Variants in ENPEP observed in about 807,000 individuals in gnomAD.
ENPEP encodes glutamyl aminopeptidase.
In ENPEP, 103 loss-of-function variants were observed where a neutral mutation model predicts 114.5. The observed-to-expected ratio is 0.90, with a 90% confidence interval of 0.77 to 1.06. The LOEUF (loss-of-function observed/expected upper bound fraction) is 1.06. Among genes scored for constraint, ENPEP ranks in the 50% least tolerant of loss-of-function variants. The pLI is 0.00. For synonymous variants in ENPEP, 420 were observed against 422.0 expected (o/e 1.00, Z 0.06); for missense variants, 1,196 against 1,161.3 (o/e 1.03, Z -0.43).
At chr4:110,561,119 G>T (rs1727661539) in intron 19 of ENPEP, among the ~76,000 whole-genome samples, 1 of 152,126 alleles carries the variant, frequency 6.6e-6, no homozygotes, top group African/African-American at 2.4e-5. Context: ...AGAGAAAGCA[G>T]CAGAAACAGA....
intron 3 of ENPEP, among the ~76,000 whole-genome samples, chr4:110,497,049 A>G (rs2110342738): frequency 6.6e-6 from 1 of 152,350 alleles, no homozygotes; most frequent in South Asian, 2.1e-4. Flanking sequence ...CACAGTGATT[A>G]ATAAATATTT....
Position 110,561,493 on chromosome 4 carries a change from G to A in ENPEP, c.2809G>A (p.Glu937Lys), listed in dbSNP as rs761706893. 7 of 1,613,992 alleles carry A rather than the reference G, an allele frequency of 4.3e-6. No individual in the cohort carries two copies. Among genetic ancestry groups the A allele is most frequent in the Non-Finnish European group, 5.9e-6 (7 of 1,179,942 alleles). The change falls in exon 20 of 20, where the codon GAG becomes AAG. Residue 937 changes from glutamate to lysine, a missense_variant. Transcript: ENST00000265162. Reference protein sequence around the residue: ...QVLETVKNNIEWLKQHRNTIR... With the variant: ...QVLETVKNNIKWLKQHRNTIR... ...GCTGGAAACAGTGAAAAACAATATA[G>A]AGTGGCTAAAACAACATAGAAACAC...
chr4:110,523,926 G>A (rs1002861604), intron 10 of ENPEP, among the ~76,000 whole-genome samples: 1 of 152,092 alleles, frequency 6.6e-6, no homozygotes, highest in Non-Finnish European at 1.5e-5. Flanking sequence ...TATGAAAACT[G>A]GGTGTTAAAC....
intron 11 of ENPEP, among the ~76,000 whole-genome samples, chr4:110,532,594 C>T (rs1726447380): frequency 6.6e-6 from 1 of 151,890 alleles, no homozygotes; most frequent in Non-Finnish European, 1.5e-5. Context: ...GTGGATCCAG[C>T]ATGTTTTTTC....
At chr4:110,547,150 A>G (rs1444212770) in intron 13 of ENPEP, among the ~76,000 whole-genome samples, 2 of 152,064 alleles carry the variant, frequency 1.3e-5, no homozygotes, top group Non-Finnish European at 2.9e-5. Flanking sequence ...CTCAATATAG[A>G]AGAGCAAGAA....
chr4:110,519,378 G>T (rs1248941917), intron 8 of ENPEP: 1 of 204,898 alleles, frequency 4.9e-6, no homozygotes, highest in Non-Finnish European at 1.0e-5. Context: ...AGCAACAGAG[G>T]AGTGATACAG....
intron 4 of ENPEP, among the ~76,000 whole-genome samples, chr4:110,508,539 C>T (rs1240982887): frequency 2.6e-5 from 4 of 152,194 alleles, no homozygotes; most frequent in African/African-American, 4.8e-5. Flanking sequence ...TGGCTGGGTG[C>T]GGTGGCTCAC....
chr4:110,485,861 T>G (rs777347523), intron 1 of ENPEP, among the ~76,000 whole-genome samples: 2 of 152,154 alleles, frequency 1.3e-5, no homozygotes, highest in Non-Finnish European at 2.9e-5. Context: ...ACAGAAGTGA[T>G]GTGTCTCTCT....
chr4:110,489,639 T>C (rs1341950783), intron 2 of ENPEP, among the ~76,000 whole-genome samples: 2 of 151,844 alleles, frequency 1.3e-5, no homozygotes, highest in African/African-American at 2.4e-5. Flanking sequence ...GCTGTATAAA[T>C]TATTTGTTAA....
intron 1 of ENPEP, among the ~76,000 whole-genome samples, chr4:110,481,335 G>A (rs1408994270): frequency 6.6e-6 from 1 of 151,678 alleles, no homozygotes; most frequent in Non-Finnish European, 1.5e-5. Context: ...GAGTTCAAGT[G>A]ATCCTCCCAC....
chr4:110,491,155 T>A lies in ENPEP; in HGVS notation c.909T>A (p.Ser303Arg). 6.2e-7 allele frequency: 1 copy of A among 1,603,974 alleles called. No individual in the cohort carries two copies. Among genetic ancestry groups the A allele is most frequent in the East Asian group, 2.2e-5 (1 of 44,576 alleles). ...ACTCTGTAAAGAGAATATCAAATAG[T>A]GGAAAACCTGTGAGTCTCATTATAT... ...QFDSVKRISN[S>R]GKPLTIYVQP... Residue 303 changes from serine (S) to arginine (R), a missense_variant, in exon 3 of 20, where the codon AGT becomes AGA. Ser to Arg is a moderately radical substitution (Grantham distance 110). Coordinates refer to ENST00000265162, the MANE Select transcript of ENPEP (RefSeq NM_001977.4).
In ENPEP at chr4:110,489,210, GAAA is replaced by G. The variant is rs551689195; in HGVS notation, c.786+538_786+540del. Reference sequence around the variant, plus strand: ...GGGAAGTGCTTGTTAAATGTCTGGAGAAAAAAAAAAAACAGGCTATAAAAAAGG... The same window carrying G: ...GGGAAGTGCTTGTTAAATGTCTGGAGAAAAAAAAACAGGCTATAAAAAAGG... On this transcript the variant is annotated intron_variant, in intron 2 of 19. Coordinates refer to ENST00000265162, the MANE Select transcript of ENPEP (RefSeq NM_001977.4). Among the ~76,000 whole-genome samples, 4 of 135,924 alleles carry G rather than the reference GAAA, an allele frequency of 2.9e-5. No individual in the cohort carries two copies. The Admixed American group carries it at 3.0e-4, about 10-fold the overall frequency. 89.2% of individuals were successfully genotyped at this position (135,924 alleles called of 152,430 possible). A position where few individuals can be genotyped will look rare whatever the true frequency, so the allele number is the denominator to read the frequency against.
At chr4:110,523,610 A>C (rs548461859) in intron 10 of ENPEP, among the ~76,000 whole-genome samples, 2 of 152,326 alleles carry the variant, frequency 1.3e-5, no homozygotes, top group South Asian at 4.1e-4. Flanking sequence ...TAATTTCATA[A>C]ATATTAGGTA....
At chr4:110,559,559 A>G (rs1269813201) in intron 18 of ENPEP, 88 bp from the exon 19 acceptor site, 6 of 941,636 alleles carry the variant, frequency 6.4e-6, no homozygotes, top group African/African-American at 3.3e-5. Flanking sequence ...TTTAAAAACT[A>G]TGAAATAAAA....
Position 110,561,508 on chromosome 4 carries a change from C to A in ENPEP, c.2824C>A (p.His942Asn). The change falls in exon 20 of 20, where the codon CAT becomes AAT. Residue 942 changes from histidine (H) to asparagine (N), a missense_variant. His to Asn is a moderately conservative substitution (Grantham distance 68, BLOSUM62 1). Transcript: ENST00000265162. ...AAACAATATAGAGTGGCTAAAACAA[C>A]ATAGAAACACCATCAGAGAATGGTT... ...VKNNIEWLKQ[H>N]RNTIREWFFN... The A allele has an allele frequency of 1.2e-6, 2 of 1,613,836 alleles. No homozygotes were observed. Among genetic ancestry groups the A allele is most frequent in the Non-Finnish European group, 1.7e-6 (2 of 1,179,876 alleles).
At chr4:110,480,000 A>G (rs922116607) in intron 1 of ENPEP, among the ~76,000 whole-genome samples, 6 of 152,234 alleles carry the variant, frequency 3.9e-5, no homozygotes, top group Non-Finnish European at 7.3e-5. Flanking sequence ...TAATTTTGCC[A>G]TAAAATATAT....
Position 110,509,680 on chromosome 4 carries a change from C to T in ENPEP, c.1067C>T (p.Thr356Ile). Residue 356 changes from threonine (T) to isoleucine (I), a missense_variant, in exon 5 of 20, where the codon ACT (threonine) becomes ATT (isoleucine). Coordinates refer to ENST00000265162, the MANE Select transcript of ENPEP (RefSeq NM_001977.4). ...LDKIAIPDFG[T>I]GAMENWGLIT... Reference sequence around the variant, plus strand: ...AAAATCGCTATTCCAGATTTTGGCACTGGTGCCATGGAGAACTGGGGACTC... The same window carrying T: ...AAAATCGCTATTCCAGATTTTGGCATTGGTGCCATGGAGAACTGGGGACTC... The T allele has an allele frequency of 1.2e-6, 2 of 1,613,276 alleles. No individual in the cohort carries two copies. Among genetic ancestry groups the T allele is most frequent in the African/African-American group, 1.3e-5 (1 of 75,026 alleles).
chr4:110,514,134 C>G (rs1033847251), intron 7 of ENPEP, among the ~76,000 whole-genome samples: 3 of 152,040 alleles, frequency 2.0e-5, no homozygotes, highest in Non-Finnish European at 4.4e-5. Context: ...TTCATATAGT[C>G]TCTCCTTCAA....
At chr4:110,548,141 T>C (rs1309126567) in intron 13 of ENPEP, 35 bp from the exon 14 acceptor site, 4 of 80,382 alleles carry the variant, frequency 5.0e-5, no homozygotes, top group Non-Finnish European at 5.7e-5. Flanking sequence ...AACTGTGAGT[T>C]TTTTTTTTTT....
Sources: allele counts gnomAD v4.1 joint callset (sites outside exome capture counted in the v4.1 genomes callset), GRCh38; gene constraint gnomAD v4.1.1; transcripts MANE v1.5; gene names NCBI Gene and HGNC (gene_info 2026-07-23, HGNC 2026-07-21).